Variants in ARID1B observed in about 807,000 individuals in gnomAD.
ARID1B encodes AT-rich interactive domain-containing protein 1B.
A neutral mutation model predicts 212.3 loss-of-function variants in ARID1B; 30 were observed. That is an observed-to-expected ratio of 0.14 (90% CI 0.11 to 0.19). The LOEUF is 0.19. Among genes scored for constraint, ARID1B ranks in the 10% least tolerant of loss-of-function variants. The pLI, the probability that ARID1B is intolerant of heterozygous loss-of-function variation, is 1.00. For missense variants in ARID1B, 2,891 were observed against 3,204.0 expected, an observed-to-expected ratio of 0.90 and a Z score of 2.36; for synonymous variants, 1,402 against 1,301.7, an observed-to-expected ratio of 1.08 and a Z score of -1.66.
intron 4 of ARID1B, among the ~76,000 whole-genome samples, chr6:157,014,457 G>C (rs936119568): frequency 6.6e-6 from 1 of 152,178 alleles, no homozygotes; most frequent in Non-Finnish European, 1.5e-5. Context: ...TATCATATGA[G>C]TTTTAAAATA....
At chr6:156,803,361 TTG>T (rs1223600603) in intron 1 of ARID1B, among the ~76,000 whole-genome samples, 1 of 152,242 alleles carries the variant, frequency 6.6e-6, no homozygotes, top group East Asian at 1.9e-4. Context: ...CTTGCAAAGA[TTG>T]TAGTTGCTGT....
At chr6:156,946,190 C>G (rs1793120539) in intron 4 of ARID1B, among the ~76,000 whole-genome samples, 1 of 142,330 alleles carries the variant, frequency 7.0e-6, no homozygotes, top group African/African-American at 2.7e-5. Flanking sequence ...AACCCCGTCT[C>G]TACTAAAAAT....
At chr6:156,825,886 AC>A (rs1388109072) in intron 1 of ARID1B, among the ~76,000 whole-genome samples, 1 of 152,216 alleles carries the variant, frequency 6.6e-6, no homozygotes, top group East Asian at 1.9e-4. Context: ...GAAAATAATC[AC>A]ATTTTATTTT....
intron 4 of ARID1B, among the ~76,000 whole-genome samples, chr6:157,041,403 G>A (rs181203589): frequency 2.6e-5 from 4 of 152,056 alleles, no homozygotes; most frequent in Admixed American, 1.3e-4. Context: ...AGTAAGGGGT[G>A]TAAACAAGAA....
intron 10 of ARID1B, 71 bp downstream of exon 10, chr6:157,174,188 C>T: frequency 7.3e-7 from 1 of 1,370,344 alleles, no homozygotes. Context: ...TCTCTCTTCA[C>T]TGGTGTTGGC....
At chr6:157,110,586 A>T (rs750768435) in intron 6 of ARID1B, 25 bp downstream of exon 6, 4 of 1,608,958 alleles carry the variant, frequency 2.5e-6, no homozygotes, top group Non-Finnish European at 3.4e-6. Context: ...CATGTCTTAC[A>T]TGCCTATAGT....
intron 2 of ARID1B, among the ~76,000 whole-genome samples, chr6:156,897,246 C>CTTATTATTATTA (rs1374385412): frequency 1.5e-4 from 16 of 103,578 alleles, no homozygotes; most frequent in African/African-American, 5.6e-4. Context: ...TCTTCTTCTT[C>CTTATTATTATTA]TTCTTCTTCT....
chr6:157,144,315 C>T (rs967200346), intron 7 of ARID1B, among the ~76,000 whole-genome samples: 20 of 152,164 alleles, frequency 1.3e-4, no homozygotes, highest in African/African-American at 4.1e-4. Flanking sequence ...ATAGTCTAAA[C>T]GCTTGTTTTC....
intron 4 of ARID1B, among the ~76,000 whole-genome samples, chr6:157,026,602 A>G (rs1160210594): frequency 6.6e-6 from 1 of 152,162 alleles, no homozygotes; most frequent in Non-Finnish European, 1.5e-5. Flanking sequence ...CCTAAGCCTC[A>G]TGAATCCTCA....
intron 4 of ARID1B, among the ~76,000 whole-genome samples, chr6:157,067,186 A>C (rs1783722008): frequency 6.6e-6 from 1 of 152,236 alleles, no homozygotes; most frequent in Non-Finnish European, 1.5e-5. Flanking sequence ...TCAATGAAGA[A>C]ATTGAGGTCT....
At chr6:156,804,867 C>CAAAAAAAAAAAAAAAAAAAAAAA (rs61315445) in intron 1 of ARID1B, among the ~76,000 whole-genome samples, 1 of 85,084 alleles carries the variant, frequency 1.2e-5, no homozygotes, top group African/African-American at 4.3e-5. Context: ...ATCTGATTGG[C>CAAAAAAAAAAAAAAAAAAAAAAA]AAAAAAAAAA....
Position 157,189,684 on chromosome 6 carries a change from C to A in ARID1B, c.3962C>A (p.Thr1321Asn). The A allele has an allele frequency of 6.2e-7, 1 of 1,613,918 alleles. No homozygotes were observed. The highest frequency in any genetic ancestry group is 8.5e-7 in the Non-Finnish European group (1 of 1,180,010). The change falls in exon 14 of 20, where the codon ACT (threonine) becomes AAT (asparagine). Residue 1321 changes from threonine to asparagine, a missense_variant. Thr to Asn is a moderately conservative substitution (Grantham distance 65, BLOSUM62 0). Coordinates refer to ENST00000636930, the MANE Select transcript of ARID1B (RefSeq NM_001374828.1). ...SLQGPQTPQS[T>N]GSNSMAEVPG... ...CAAGGCCCACAGACCCCCCAGTCAA[C>A]TGGCAGCAATTCCATGGCAGAGGTT...
intron 2 of ARID1B, among the ~76,000 whole-genome samples, chr6:156,853,765 C>T: frequency 6.6e-6 from 1 of 152,118 alleles, no homozygotes; most frequent in Non-Finnish European, 1.5e-5. Flanking sequence ...AAGATAAGGC[C>T]TTGTTCTGTT....
intron 15 of ARID1B, among the ~76,000 whole-genome samples, chr6:157,192,190 C>A (rs1013077015): frequency 6.6e-6 from 1 of 152,048 alleles, no homozygotes; most frequent in Non-Finnish European, 1.5e-5. Flanking sequence ...GTATGAGATG[C>A]TAGACAGAAC....
intron 15 of ARID1B, among the ~76,000 whole-genome samples, chr6:157,192,498 C>G (rs1296828757): frequency 6.6e-6 from 1 of 152,130 alleles, no homozygotes; most frequent in Non-Finnish European, 1.5e-5. Flanking sequence ...AGAAACCCAT[C>G]CTAAATTGAA....
chr6:156,947,025 A>G (rs1583008356), intron 4 of ARID1B, among the ~76,000 whole-genome samples: 1 of 152,086 alleles, frequency 6.6e-6, no homozygotes, highest in African/African-American at 2.4e-5. Flanking sequence ...ATTTTTGGAG[A>G]TGATTTGAAG....
rs184065414 is a variant in ARID1B at position 157,146,077 on chromosome 6, T to C, written c.2762-2547T>C. Among the ~76,000 whole-genome samples, 461 of 152,044 alleles carry C rather than the reference T, an allele frequency of 3.0e-3. 6 individuals are homozygous for C. The highest frequency in any genetic ancestry group is 0.011 in the African/African-American group (437 of 41,418). On this transcript the variant is annotated intron_variant, in intron 7 of 19. Transcript: ENST00000636930. The stretch of plus-strand genomic sequence containing the variant: ...GCCCTGCCAGACCCAGCCTCTCCCC[T>C]CTATCCCCCCGTCAGCCACACACAG...
intron 3 of ARID1B, among the ~76,000 whole-genome samples, chr6:156,931,919 G>A (rs926535383): frequency 2.0e-5 from 3 of 146,860 alleles, no homozygotes; most frequent in South Asian, 2.2e-4. Flanking sequence ...CTGAGATTGC[G>A]CGATGCACTC....
At chr6:157,116,771 A>G (rs112654787) in intron 6 of ARID1B, among the ~76,000 whole-genome samples, 32 of 151,808 alleles carry the variant, frequency 2.1e-4, no homozygotes, top group African/African-American at 7.5e-4. Flanking sequence ...AGTCCCCCCA[A>G]CCTTCATTTC....
Sources: gnomAD v4.1 joint callset for allele counts (sites outside exome capture counted in the v4.1 genomes callset) on GRCh38, gnomAD v4.1.1 for gene constraint, MANE v1.5 for transcripts, NCBI Gene and HGNC (gene_info 2026-07-23, HGNC 2026-07-21) for gene names.